The following NCALD variants were observed in gnomAD, a reference collection of about 807,000 sequenced individuals.
NCALD encodes neurocalcin-delta.
In NCALD, 10 loss-of-function variants were observed where a neutral mutation model predicts 18.6. That is an observed-to-expected ratio of 0.54 (90% CI 0.33 to 0.91). NCALD has a LOEUF of 0.91. Among genes scored for constraint, NCALD ranks in the 40% least tolerant of loss-of-function variants. The pLI, the probability that NCALD is intolerant of heterozygous loss-of-function variation, is 0.03. For synonymous variants in NCALD, 88 were observed against 87.4 expected, an observed-to-expected ratio of 1.01 and a Z score of -0.04; for missense variants, 184 against 247.6, an observed-to-expected ratio of 0.74 and a Z score of 1.72.
intron 3 of NCALD, among the ~76,000 whole-genome samples, chr8:101,914,740 C>T (rs2131620443): frequency 6.6e-6 from 1 of 152,324 alleles, no homozygotes; most frequent in Admixed American, 6.5e-5. Context: ...TTTTCACATA[C>T]AACCATCATT....
chr8:101,789,220 T>C (rs888567824), intron 1 of NCALD, among the ~76,000 whole-genome samples: 1 of 152,186 alleles, frequency 6.6e-6, no homozygotes, highest in Non-Finnish European at 1.5e-5. Flanking sequence ...ACTGGTCTTA[T>C]CTGTGCTCAA....
At chr8:101,843,222 T>C (rs2131297760) in intron 4 of NCALD, among the ~76,000 whole-genome samples, 1 of 152,350 alleles carries the variant, frequency 6.6e-6, no homozygotes, top group East Asian at 1.9e-4. Context: ...GTTGAATAAA[T>C]GAGTCAAACT....
chr8:101,711,123 C>T (rs1050704682), intron 2 of NCALD, among the ~76,000 whole-genome samples: 1 of 152,160 alleles, frequency 6.6e-6, no homozygotes, highest in East Asian at 1.9e-4. Context: ...CCCAGGCAAA[C>T]AGGATCTAGA....
At chr8:101,879,584 C>T (rs1816392799) in intron 4 of NCALD, among the ~76,000 whole-genome samples, 1 of 152,182 alleles carries the variant, frequency 6.6e-6, no homozygotes, top group African/African-American at 2.4e-5. Flanking sequence ...CAACGGGTTA[C>T]AACGGCTAGC....
intron 2 of NCALD, among the ~76,000 whole-genome samples, chr8:101,991,155 TC>T (rs1821032140): frequency 6.6e-6 from 1 of 152,226 alleles, no homozygotes; most frequent in Non-Finnish European, 1.5e-5. Flanking sequence ...CTGCATTGTA[TC>T]GACAACATCC....
intron 4 of NCALD, among the ~76,000 whole-genome samples, chr8:101,830,911 A>G (rs1422768907): frequency 6.6e-6 from 1 of 151,936 alleles, no homozygotes; most frequent in Admixed American, 6.5e-5. Context: ...AATAAAATCA[A>G]TAAATTCATG....
At chr8:101,925,893 A>G (rs533823635) in intron 2 of NCALD, among the ~76,000 whole-genome samples, 1 of 152,314 alleles carries the variant, frequency 6.6e-6, no homozygotes, top group African/African-American at 2.4e-5. Context: ...AAAGGCAATT[A>G]AATGTTGATA....
rs562870105 is a variant in NCALD, at chr8:101,799,520, C to G, written c.-19-79872G>C. ...GTGACAGCCGAGAACTGGGAACCAC[C>G]CAGAGGCTTTGGGTGGATGAATGAG... On this transcript the variant is annotated intron_variant, in intron 4 of 6. Coordinates refer to the NCALD transcript ENST00000311028. 4.6e-5 allele frequency among the ~76,000 whole-genome samples: 7 copies of G among 152,198 alleles called. No homozygotes were observed. In the East Asian group the frequency reaches 1.4e-3, roughly 29 times the overall value.
rs191479202 is a variant in NCALD, at chr8:101,939,516, A to C, written c.-156-23658T>G. 3.3e-3 allele frequency among the ~76,000 whole-genome samples: 509 copies of C among 152,206 alleles called. 6 individuals carry two copies. Among genetic ancestry groups the C allele is most frequent in the African/African-American group, 0.012 (484 of 41,526 alleles). ...TTCTTTCTCTTTATCTGCAAATTGGAGTTTCTAAAAGCTTTAAGTAGCTTA... is the reference window on the plus strand; with the variant it reads ...TTCTTTCTCTTTATCTGCAAATTGGCGTTTCTAAAAGCTTTAAGTAGCTTA... On this transcript the variant is annotated intron_variant, in intron 2 of 6. Transcript: ENST00000311028.
chr8:101,988,026 G>T (rs1259344853), intron 2 of NCALD, among the ~76,000 whole-genome samples: 1 of 151,570 alleles, frequency 6.6e-6, no homozygotes, highest in Non-Finnish European at 1.5e-5. Flanking sequence ...GTAGTGGCGG[G>T]CGCCTGTAGT....
intron 4 of NCALD, among the ~76,000 whole-genome samples, chr8:101,849,672 A>G (rs1161038364): frequency 6.6e-6 from 1 of 152,198 alleles, no homozygotes; most frequent in Non-Finnish European, 1.5e-5. Flanking sequence ...AGTCTCCTGC[A>G]TTCTAATCTT....
intron 1 of NCALD, among the ~76,000 whole-genome samples, chr8:101,744,656 C>G (rs1400907479): frequency 1.3e-5 from 2 of 152,110 alleles, no homozygotes; most frequent in Non-Finnish European, 2.9e-5. Flanking sequence ...GGCAAACTAC[C>G]TATGGAAATT....
chr8:101,890,183 T>C (rs1002352438), intron 3 of NCALD, among the ~76,000 whole-genome samples: 2 of 151,642 alleles, frequency 1.3e-5, no homozygotes, highest in African/African-American at 2.4e-5. Context: ...GACAACACAA[T>C]AGAAAAAACA....
At chr8:101,807,795 T>C (rs1203683423) in intron 4 of NCALD, among the ~76,000 whole-genome samples, 2 of 152,206 alleles carry the variant, frequency 1.3e-5, no homozygotes, top group Non-Finnish European at 2.9e-5. Flanking sequence ...ACTTTCACAA[T>C]TCTATTTTCT....
At chr8:101,694,809 C>T (rs1246089243) in intron 2 of NCALD, among the ~76,000 whole-genome samples, 2 of 152,062 alleles carry the variant, frequency 1.3e-5, no homozygotes, top group Non-Finnish European at 2.9e-5. Flanking sequence ...GCCGGGGACA[C>T]GTAAGTTCTT....
At chr8:101,951,058 C>T (rs1334745881) in intron 2 of NCALD, among the ~76,000 whole-genome samples, 2 of 152,204 alleles carry the variant, frequency 1.3e-5, no homozygotes, top group East Asian at 1.9e-4. Flanking sequence ...CAGGCAATGC[C>T]AACCAGACAC....
intron 2 of NCALD, among the ~76,000 whole-genome samples, chr8:101,987,810 A>T (rs966508542): frequency 2.0e-5 from 3 of 152,210 alleles, no homozygotes; most frequent in African/African-American, 7.2e-5. Flanking sequence ...TCTGACACAC[A>T]GACTGACACA....
intron 4 of NCALD, among the ~76,000 whole-genome samples, chr8:101,869,183 A>G (rs1477055557): frequency 6.6e-6 from 1 of 152,246 alleles, no homozygotes; most frequent in African/African-American, 2.4e-5. Flanking sequence ...TATGGTAAGG[A>G]CACTTTACAA....
At chr8:102,083,756 T>A (rs924158632) in intron 1 of NCALD, among the ~76,000 whole-genome samples, 5 of 152,224 alleles carry the variant, frequency 3.3e-5, no homozygotes, top group Non-Finnish European at 5.9e-5. Flanking sequence ...TTAGACAATA[T>A]CTACTTCCTG....
Sources: gnomAD v4.1 joint callset for allele counts (sites outside exome capture counted in the v4.1 genomes callset) on GRCh38, gnomAD v4.1.1 for gene constraint, MANE v1.5 for transcripts, NCBI Gene and HGNC (gene_info 2026-07-23, HGNC 2026-07-21) for gene names.